MAD1L1: variants seen among roughly 807,000 people sequenced by gnomAD.
The protein encoded by MAD1L1 is mitotic spindle assembly checkpoint protein MAD1.
Under a neutral mutation model 96.9 loss-of-function variants are expected in MAD1L1, and 95 were observed. That is an observed-to-expected ratio of 0.98 (90% confidence interval 0.83 to 1.16). The LOEUF (loss-of-function observed/expected upper bound fraction) is 1.16, where lower values mean the gene tolerates loss of function less well. Among genes scored for constraint, MAD1L1 ranks in the 50% most tolerant of loss-of-function variants. The pLI is 0.00. For synonymous variants in MAD1L1, 473 were observed against 396.6 expected, an observed-to-expected ratio of 1.19 and a Z score of -2.29; for missense variants, 1,007 against 954.4, an observed-to-expected ratio of 1.06 and a Z score of -0.73.
chr7:2,220,807 AAAG>A, intron 5 of MAD1L1: 1 of 1,392,070 alleles, frequency 7.2e-7, no homozygotes, highest in Non-Finnish European at 9.7e-7. Flanking sequence ...GGGAGTCAAC[AAAG>A]AAGAAAGGTA....
At chr7:1,997,695 A>G (rs1781618119) in intron 14 of MAD1L1, among the ~76,000 whole-genome samples, 1 of 152,276 alleles carries the variant, frequency 6.6e-6, no homozygotes, top group Non-Finnish European at 1.5e-5. Flanking sequence ...CCAGGGCTGC[A>G]CAGCCCAGTG....
intron 12 of MAD1L1, among the ~76,000 whole-genome samples, chr7:2,031,409 A>T (rs1190568864): frequency 6.6e-6 from 1 of 152,172 alleles, no homozygotes; most frequent in Non-Finnish European, 1.5e-5. Context: ...TTACAATTTC[A>T]ACCTCTGATA....
chr7:2,045,643 A>G (rs1170958999), intron 12 of MAD1L1, among the ~76,000 whole-genome samples: 1 of 151,592 alleles, frequency 6.6e-6, no homozygotes, highest in Non-Finnish European at 1.5e-5. Context: ...GCACCTGACG[A>G]TGCCCTGGAA....
chr7:1,873,541 T>A (rs750657529), intron 18 of MAD1L1, among the ~76,000 whole-genome samples: 6 of 139,668 alleles, frequency 4.3e-5, no homozygotes, highest in Non-Finnish European at 9.2e-5. Flanking sequence ...GCAAAGCACC[T>A]GGGCTCTCTA....
chr7:2,079,351 A>T (rs1785525787), intron 11 of MAD1L1, among the ~76,000 whole-genome samples: 2 of 152,210 alleles, frequency 1.3e-5, no homozygotes, highest in Admixed American at 1.3e-4. Context: ...GTCAATACAC[A>T]TTTTTCTGAA....
At chr7:1,954,021 C>T (rs1020487770) in intron 16 of MAD1L1, among the ~76,000 whole-genome samples, 6 of 152,048 alleles carry the variant, frequency 3.9e-5, no homozygotes, top group African/African-American at 1.2e-4. Flanking sequence ...CGACTAGCCT[C>T]ACTGTGTGTC....
At chr7:1,939,305 G>GCACACACATACA (rs764296734) in intron 16 of MAD1L1, among the ~76,000 whole-genome samples, 2 of 145,242 alleles carry the variant, frequency 1.4e-5, no homozygotes, top group Non-Finnish European at 3.0e-5. Flanking sequence ...AGCGGTGCAC[G>GCACACACATACA]CACACACATA....
chr7:1,835,110 C>G (rs1164299441), intron 18 of MAD1L1, among the ~76,000 whole-genome samples: 1 of 131,468 alleles, frequency 7.6e-6, no homozygotes, highest in Non-Finnish European at 1.6e-5. Flanking sequence ...ACCCAACAGG[C>G]ATTCCTCAAA....
intron 11 of MAD1L1, among the ~76,000 whole-genome samples, chr7:2,139,592 G>A (rs902405492): frequency 6.6e-6 from 1 of 151,670 alleles, no homozygotes; most frequent in African/African-American, 2.4e-5. Context: ...GCAGACTGCT[G>A]AGAACTCCAC....
chr7:1,988,264 C>T (rs996936644), intron 14 of MAD1L1, among the ~76,000 whole-genome samples: 4 of 152,178 alleles, frequency 2.6e-5, no homozygotes, highest in African/African-American at 9.6e-5. Flanking sequence ...CAAGACTCAC[C>T]TCCCACACCT....
Position 1,996,880 on chromosome 7 carries a change from C to T in MAD1L1, c.1416+5185G>A, listed in dbSNP as rs756780316. ...GAGGATATTTTAGAGCTGAGAGCGG[C>T]GTAATTCCCTCTGAATCGGAAAATA... On this transcript the variant is annotated intron_variant, in intron 14 of 18. Transcript: ENST00000265854. 5.0e-5 allele frequency among the ~76,000 whole-genome samples: 4 copies of T among 80,738 alleles called. No homozygotes were observed. In the South Asian group the frequency reaches 1.2e-3, roughly 24 times the overall value. 53.0% of individuals were successfully genotyped at this position (80,738 alleles called of 152,430 possible).
intron 16 of MAD1L1, among the ~76,000 whole-genome samples, chr7:1,956,711 T>C (rs1184188337): frequency 6.6e-6 from 1 of 152,234 alleles, no homozygotes; most frequent in African/African-American, 2.4e-5. Flanking sequence ...AGTGCTCCGC[T>C]AGTGAGCTCC....
intron 18 of MAD1L1, among the ~76,000 whole-genome samples, chr7:1,891,253 C>T (rs1035921544): frequency 3.3e-5 from 5 of 152,152 alleles, no homozygotes; most frequent in Non-Finnish European, 5.9e-5. Context: ...AGGCTGGGTG[C>T]GGTGGCTCAC....
chr7:2,211,247 C>T (rs1438657301), intron 10 of MAD1L1, among the ~76,000 whole-genome samples: 1 of 152,174 alleles, frequency 6.6e-6, no homozygotes, highest in African/African-American at 2.4e-5. Context: ...ACACAGAAGA[C>T]ACAGGCAGGC....
At chr7:2,082,055 T>G (rs886511241) in intron 11 of MAD1L1, among the ~76,000 whole-genome samples, 4 of 151,832 alleles carry the variant, frequency 2.6e-5, no homozygotes, top group Non-Finnish European at 4.4e-5. Context: ...CAAGAAGAGA[T>G]GTCAAAGCAC....
intron 17 of MAD1L1, among the ~76,000 whole-genome samples, chr7:1,901,471 C>T (rs1038517559): frequency 1.3e-5 from 2 of 152,200 alleles, no homozygotes; most frequent in Non-Finnish European, 2.9e-5. Context: ...CTGTGCCCGA[C>T]CCCAGCCCTG....
intron 6 of MAD1L1, 48 bp downstream of exon 6, chr7:2,219,284 C>A (rs1376282725): frequency 6.7e-7 from 1 of 1,503,042 alleles, no homozygotes; most frequent in Non-Finnish European, 8.9e-7. Context: ...GGGACGCATG[C>A]CCCCACACGT....
intron 5 of MAD1L1, chr7:2,221,081 G>A (rs952096954): frequency 5.2e-6 from 8 of 1,546,202 alleles, no homozygotes; most frequent in Non-Finnish European, 7.0e-6. Flanking sequence ...CTGAGGAGCG[G>A]CCACCTCGGC....
At chr7:1,830,111 C>G (rs988245590) in intron 18 of MAD1L1, among the ~76,000 whole-genome samples, 1 of 152,214 alleles carries the variant, frequency 6.6e-6, no homozygotes, top group Non-Finnish European at 1.5e-5. Flanking sequence ...GGGGCTTACA[C>G]AACAGGCCAG....
Sources: gnomAD v4.1 joint callset for allele counts (sites outside exome capture counted in the v4.1 genomes callset) on GRCh38, gnomAD v4.1.1 for gene constraint, MANE v1.5 for transcripts, NCBI Gene and HGNC (gene_info 2026-07-23, HGNC 2026-07-21) for gene names.